The following KCNIP4 variants were observed in gnomAD, a reference collection of about 807,000 sequenced individuals.
The protein encoded by KCNIP4 is Kv channel-interacting protein 4.
In KCNIP4, 12 loss-of-function variants were observed where a neutral mutation model predicts 34.0. The ratio of observed to expected loss-of-function variants is 0.35; its 90% CI spans 0.23 to 0.57. KCNIP4 has a LOEUF of 0.57. KCNIP4 is among the 20% of genes least tolerant of loss of function. The probability of loss-of-function intolerance (pLI) is 0.83; values close to 1 mark genes in which losing one functional copy is unlikely to be tolerated. For missense variants in KCNIP4, 238 were observed against 311.7 expected (o/e 0.76, Z 1.78); for synonymous variants, 124 against 102.2 (o/e 1.21, Z -1.29).
intron 1 of KCNIP4, among the ~76,000 whole-genome samples, chr4:21,947,249 T>C (rs1192546506): frequency 1.3e-5 from 2 of 152,210 alleles, no homozygotes; most frequent in Non-Finnish European, 2.9e-5. Context: ...CAGGAAACAT[T>C]TGATCTCTTA....
intron 1 of KCNIP4, among the ~76,000 whole-genome samples, chr4:21,531,412 G>C: frequency 7.5e-6 from 1 of 132,894 alleles, no homozygotes. Context: ...GTCTCTCTCT[G>C]TTGCCCAGGC....
At chr4:21,798,805 G>T (rs1377785353) in intron 1 of KCNIP4, among the ~76,000 whole-genome samples, 1 of 151,920 alleles carries the variant, frequency 6.6e-6, no homozygotes, top group Non-Finnish European at 1.5e-5. Context: ...AACAAAAAAG[G>T]TAAAGATAGA....
At chr4:20,848,039 G>C (rs574190241) in intron 3 of KCNIP4, among the ~76,000 whole-genome samples, 1 of 152,032 alleles carries the variant, frequency 6.6e-6, no homozygotes, top group Non-Finnish European at 1.5e-5. Context: ...AGTGTATTTC[G>C]GCTATGCTTA....
intron 1 of KCNIP4, among the ~76,000 whole-genome samples, chr4:21,200,829 G>A (rs188519371): frequency 1.8e-4 from 28 of 151,544 alleles, no homozygotes; most frequent in African/African-American, 3.9e-4. Context: ...AAAAAGCATC[G>A]TTCCATCCAG....
chr4:20,746,881 A>T (rs930532335), intron 5 of KCNIP4, among the ~76,000 whole-genome samples: 1 of 151,990 alleles, frequency 6.6e-6, no homozygotes, highest in Non-Finnish European at 1.5e-5. Context: ...TCTCTACTGT[A>T]CCTCTCAGTA....
chr4:21,417,297 G>A (rs904826003), intron 1 of KCNIP4, among the ~76,000 whole-genome samples: 1 of 151,936 alleles, frequency 6.6e-6, no homozygotes, highest in African/African-American at 2.4e-5. Flanking sequence ...GTGTGTGTCT[G>A]TTTGTCTGTG....
chr4:20,980,809 TAAAA>T (rs547579828), intron 1 of KCNIP4, among the ~76,000 whole-genome samples: 6 of 131,118 alleles, frequency 4.6e-5, no homozygotes, highest in Non-Finnish European at 8.4e-5. Context: ...TTCTCCACCA[TAAAA>T]AAAAAAAAAA....
intron 1 of KCNIP4, among the ~76,000 whole-genome samples, chr4:21,070,141 C>T (rs1270736170): frequency 6.6e-6 from 1 of 152,142 alleles, no homozygotes; most frequent in African/African-American, 2.4e-5. Context: ...CCCTTGTGAT[C>T]CATCCTAGCT....
At chr4:21,364,639 T>A (rs1316207998) in intron 1 of KCNIP4, among the ~76,000 whole-genome samples, 1 of 151,928 alleles carries the variant, frequency 6.6e-6, no homozygotes, top group African/African-American at 2.4e-5. Context: ...AATGAATAAA[T>A]AAATGACAAG....
chr4:20,806,883 A>G (rs1360255262), intron 3 of KCNIP4, among the ~76,000 whole-genome samples: 1 of 152,176 alleles, frequency 6.6e-6, no homozygotes, highest in African/African-American at 2.4e-5. Context: ...GTATAAGACC[A>G]AATGAAACTA....
At chr4:21,585,702 T>G (rs374129630) in intron 1 of KCNIP4, among the ~76,000 whole-genome samples, 36 of 152,114 alleles carry the variant, frequency 2.4e-4, no homozygotes, top group East Asian at 7.7e-4. Flanking sequence ...GAAGTCTTAG[T>G]GTATAAAATC....
chr4:21,174,987 CT>C (rs201939257), intron 1 of KCNIP4, among the ~76,000 whole-genome samples: 4 of 150,948 alleles, frequency 2.6e-5, no homozygotes, highest in African/African-American at 4.9e-5. Flanking sequence ...GATTTTGTTA[CT>C]TTTTTTTACA....
chr4:21,145,221 C>T (rs1280769476), intron 1 of KCNIP4, among the ~76,000 whole-genome samples: 4 of 152,188 alleles, frequency 2.6e-5, no homozygotes, highest in African/African-American at 9.7e-5. Flanking sequence ...CCCTAATACT[C>T]AGGCTTCCGT....
intron 1 of KCNIP4, among the ~76,000 whole-genome samples, chr4:20,997,153 C>G (rs145177866): frequency 3.2e-4 from 49 of 152,260 alleles, no homozygotes; most frequent in Admixed American, 3.1e-3. Context: ...AGTTGACAGG[C>G]ATGATCATGG....
intron 1 of KCNIP4, among the ~76,000 whole-genome samples, chr4:21,578,919 G>A (rs1740968849): frequency 6.6e-6 from 1 of 152,156 alleles, no homozygotes; most frequent in Non-Finnish European, 1.5e-5. Flanking sequence ...TTTGCATGCT[G>A]CAGGTGCTTA....
chr4:21,242,115 G>C (rs572359955), intron 1 of KCNIP4, among the ~76,000 whole-genome samples: 1 of 136,024 alleles, frequency 7.4e-6, no homozygotes, highest in East Asian at 2.2e-4. Flanking sequence ...AGTGAGCCGA[G>C]ATTGCGCCAC....
chr4:21,268,610 T>C (rs1421928430), intron 1 of KCNIP4, among the ~76,000 whole-genome samples: 2 of 152,232 alleles, frequency 1.3e-5, no homozygotes, highest in Non-Finnish European at 2.9e-5. Context: ...AAGGAGACAG[T>C]GTTGCTTTCT....
At chr4:20,989,110 C>A (rs1736852976) in intron 1 of KCNIP4, among the ~76,000 whole-genome samples, 1 of 152,190 alleles carries the variant, frequency 6.6e-6, no homozygotes, top group Admixed American at 6.5e-5. Context: ...CTAAGCACCC[C>A]TTTGAGTTAC....
chr4:21,458,670 C>A (rs1729175457), intron 1 of KCNIP4, among the ~76,000 whole-genome samples: 1 of 152,054 alleles, frequency 6.6e-6, no homozygotes, highest in Admixed American at 6.6e-5. Flanking sequence ...GCCCTCAATG[C>A]TGCCTGGCTA....
Sources: allele counts gnomAD v4.1 joint callset (sites outside exome capture counted in the v4.1 genomes callset), GRCh38; gene constraint gnomAD v4.1.1; transcripts MANE v1.5; gene names NCBI Gene and HGNC (gene_info 2026-07-23, HGNC 2026-07-21).